DCHS2: variants seen among roughly 807,000 people sequenced by gnomAD.
DCHS2 encodes the protein dachsous cadherin-related 2.
DCHS2 carries 142 observed loss-of-function variants against 182.4 expected under a neutral mutation model. The observed-to-expected ratio is 0.78, with a 90% CI of 0.68 to 0.89. DCHS2 has a LOEUF of 0.89. DCHS2 is among the 40% of genes least tolerant of loss of function. DCHS2 has a pLI of 0.00. For synonymous variants in DCHS2, 1,740 were observed against 1,663.3 expected, an observed-to-expected ratio of 1.05 and a Z score of -1.12; for missense variants, 4,319 against 4,198.6, an observed-to-expected ratio of 1.03 and a Z score of -0.79.
intron 1 of DCHS2, among the ~76,000 whole-genome samples, chr4:154,410,898 T>C (rs919494373): frequency 1.3e-5 from 2 of 152,168 alleles, no homozygotes; most frequent in South Asian, 2.1e-4. Flanking sequence ...TATTGACATA[T>C]ATAGGAATCC....
intron 1 of DCHS2, chr4:154,384,324 C>T: frequency 1.3e-6 from 2 of 1,589,502 alleles, no homozygotes; most frequent in South Asian, 1.2e-5. Context: ...CATCAGACAC[C>T]ATGTTATGGC....
At position 154,467,510 on chromosome 4, in the gene DCHS2, A is replaced by G. The variant is rs144351231; in HGVS notation, c.2052+21794T>C. 1.9e-3 allele frequency among the ~76,000 whole-genome samples: 294 copies of G among 152,290 alleles called. 4 individuals carry two copies. The highest frequency in any genetic ancestry group is 6.8e-3 in the African/African-American group (281 of 41,588). ...GCCTATCAATTAAAATTGCTAAAATAATGAAAATATTCAAAAGAAGCATTA... is the reference window on the plus strand; with the variant it reads ...GCCTATCAATTAAAATTGCTAAAATGATGAAAATATTCAAAAGAAGCATTA... On this transcript the variant is annotated intron_variant, in intron 1 of 19. Coordinates refer to ENST00000357232, the MANE Select transcript of DCHS2 (RefSeq NM_001358235.2).
chr4:154,443,578 C>G (rs1202984052), intron 1 of DCHS2, among the ~76,000 whole-genome samples: 1 of 152,206 alleles, frequency 6.6e-6, no homozygotes, highest in Non-Finnish European at 1.5e-5. Flanking sequence ...CAGACTACAC[C>G]TTTCCCATAG....
At position 154,236,252 on chromosome 4, in the gene DCHS2, C is replaced by T. The variant is rs114015145; in HGVS notation, c.8400G>A (p.Pro2800=). The change falls in exon 20 of 20, where the codon CCG becomes CCA. Residue 2800 remains proline (P), a synonymous_variant. Transcript: ENST00000357232. Reference sequence around the variant, plus strand: ...CAATAGAATAGGTCAATTCTCCATACGGACCAGCATCAAAATCCAGAGCAT... The same window carrying T: ...CAATAGAATAGGTCAATTCTCCATATGGACCAGCATCAAAATCCAGAGCAT... The part of the protein sequence containing the change: ...SINALDFDAG[P]YGELTYSIVS... 2,175 of 1,613,936 alleles carry T rather than the reference C, an allele frequency of 1.3e-3. 24 individuals carry two copies. In the African/African-American group the frequency reaches 0.025, roughly 18 times the overall value.
intron 13 of DCHS2, among the ~76,000 whole-genome samples, chr4:154,283,690 T>C (rs564446158): frequency 1.3e-5 from 2 of 152,324 alleles, no homozygotes; most frequent in African/African-American, 4.8e-5. Flanking sequence ...ACTATATCTC[T>C]AATTTTGTGA....
chr4:154,480,386 C>T (rs1735873896), intron 1 of DCHS2, among the ~76,000 whole-genome samples: 1 of 152,064 alleles, frequency 6.6e-6, no homozygotes, highest in Non-Finnish European at 1.5e-5. Context: ...AGTTGGAGGA[C>T]GGTTTGTCAT....
rs6858157 is a variant in DCHS2 at position 154,335,025 on chromosome 4, A to G, written c.2556T>C (p.Gly852=). The G allele has an allele frequency of 0.34, 548,199 of 1,613,030 alleles. 93,809 individuals carry two copies. The highest frequency in any genetic ancestry group is 0.42 in the East Asian group (18,691 of 44,870). ...LSLMVSAQDG[G]GLTAVINADV... is the part of the protein sequence containing the mutation. ...CGGCATTAATGACAGCTGTGAGCCC[A>G]CCACCGTCTTGAGCAGAGACCATCA... The change falls in exon 4 of 20, where the codon GGT becomes GGC. Residue 852 remains glycine, a synonymous_variant. Transcript: ENST00000357232.
chr4:154,254,988 G>A (rs939167425), intron 16 of DCHS2, among the ~76,000 whole-genome samples: 3 of 151,824 alleles, frequency 2.0e-5, no homozygotes, highest in African/African-American at 7.3e-5. Context: ...TCTGTATAAG[G>A]CTGGCATATC....
chr4:154,351,743 C>T (rs542238422), intron 3 of DCHS2, among the ~76,000 whole-genome samples: 4 of 152,182 alleles, frequency 2.6e-5, no homozygotes, highest in South Asian at 4.1e-4. Flanking sequence ...ATCTCCTGCA[C>T]GCACAGTTCA....
intron 1 of DCHS2, among the ~76,000 whole-genome samples, chr4:154,389,052 C>A (rs1731550790): frequency 6.6e-6 from 1 of 152,018 alleles, no homozygotes; most frequent in Admixed American, 6.6e-5. Context: ...CTGCACAAGC[C>A]ATAAAGTCTC....
chr4:154,388,725 A>C (rs1579036995), intron 1 of DCHS2, among the ~76,000 whole-genome samples: 1 of 151,890 alleles, frequency 6.6e-6, no homozygotes, highest in Non-Finnish European at 1.5e-5. Flanking sequence ...CGATCTCCTG[A>C]CCTCGTGATC....
chr4:154,347,376 G>T (rs1302247699), intron 3 of DCHS2, among the ~76,000 whole-genome samples: 1 of 151,066 alleles, frequency 6.6e-6, no homozygotes, highest in East Asian at 1.9e-4. Context: ...GATACAGCTG[G>T]GTTCAAATCT....
intron 1 of DCHS2, among the ~76,000 whole-genome samples, chr4:154,424,842 C>T (rs1422618004): frequency 6.6e-6 from 1 of 152,218 alleles, no homozygotes; most frequent in Non-Finnish European, 1.5e-5. Context: ...GTGCACTCCT[C>T]TATCACAAGG....
intron 1 of DCHS2, among the ~76,000 whole-genome samples, chr4:154,389,503 C>A (rs1731573338): frequency 3.4e-5 from 2 of 58,178 alleles, no homozygotes; most frequent in Non-Finnish European, 4.6e-5. Flanking sequence ...TGTTCTATTC[C>A]TAAAGACAAA....
intron 1 of DCHS2, among the ~76,000 whole-genome samples, chr4:154,440,543 T>C (rs1441081199): frequency 6.6e-6 from 1 of 152,212 alleles, no homozygotes; most frequent in Non-Finnish European, 1.5e-5. Flanking sequence ...TAGCTATTCA[T>C]GTACCATGAC....
At chr4:154,386,634 C>T (rs902109449) in intron 1 of DCHS2, among the ~76,000 whole-genome samples, 4 of 152,238 alleles carry the variant, frequency 2.6e-5, no homozygotes, top group East Asian at 1.9e-4. Flanking sequence ...ACACTGATCT[C>T]GCCCCACCCC....
At chr4:154,467,673 A>G (rs1026285729) in intron 1 of DCHS2, among the ~76,000 whole-genome samples, 2 of 152,174 alleles carry the variant, frequency 1.3e-5, no homozygotes, top group African/African-American at 4.8e-5. Context: ...TGGAATGAAA[A>G]TAGATATTTG....
intron 13 of DCHS2, among the ~76,000 whole-genome samples, chr4:154,278,267 G>A (rs753604626): frequency 9.9e-5 from 15 of 151,944 alleles, no homozygotes; most frequent in Non-Finnish European, 1.9e-4. Context: ...TCAAACAGAG[G>A]AATCAGTGAA....
At chr4:154,373,665 A>AC (rs1730745987) in intron 2 of DCHS2, among the ~76,000 whole-genome samples, 1 of 44,444 alleles carries the variant, frequency 2.3e-5, no homozygotes, top group Non-Finnish European at 5.3e-5. Flanking sequence ...ACATAAACCT[A>AC]CTTCAGGAGG....
Sources: gnomAD v4.1 joint callset for allele counts (sites outside exome capture counted in the v4.1 genomes callset) on GRCh38, gnomAD v4.1.1 for gene constraint, MANE v1.5 for transcripts, NCBI Gene and HGNC (gene_info 2026-07-23, HGNC 2026-07-21) for gene names.